Variants in HTT observed in about 807,000 individuals in gnomAD.
The protein encoded by HTT is huntingtin.
In HTT, 104 loss-of-function variants were observed where a neutral mutation model predicts 362.3. That is an observed-to-expected ratio of 0.29 (90% CI 0.24 to 0.34). The LOEUF (loss-of-function observed/expected upper bound fraction) is 0.34. HTT is among the 10% of genes least tolerant of loss of function. The pLI is 1.00. For missense variants in HTT, 3,301 were observed against 3,928.6 expected, an observed-to-expected ratio of 0.84 and a Z score of 4.27; for synonymous variants, 1,577 against 1,548.7, an observed-to-expected ratio of 1.02 and a Z score of -0.43.
chr4:3,115,511 T>C, intron 7 of HTT, 66 bp downstream of exon 7: 2 of 1,284,092 alleles, frequency 1.6e-6, no homozygotes, highest in Non-Finnish European at 2.2e-6. Flanking sequence ...TTGAAATAAA[T>C]AAAACCAGAT....
At position 3,083,615 on chromosome 4, in the gene HTT, G is replaced by T. The variant is rs568548105; in HGVS notation, c.264-3324G>T. 1.9e-4 allele frequency among the ~76,000 whole-genome samples: 27 copies of T among 145,410 alleles called. 1 individual carries two copies. In the South Asian group the frequency reaches 5.9e-3, roughly 32 times the overall value. On this transcript the variant is annotated intron_variant, in intron 1 of 66. Transcript: ENST00000355072. ...TATATGTATATATATGCATTTAGAT[G>T]AAAAGATCACTTTGACAATACCACA...
chr4:3,098,906 A>T (rs934624220), intron 2 of HTT, among the ~76,000 whole-genome samples: 2 of 152,226 alleles, frequency 1.3e-5, no homozygotes, highest in African/African-American at 2.4e-5. Flanking sequence ...TTTTAAACGA[A>T]AATTTAAAAA....
At position 3,119,684 on chromosome 4, in the gene HTT, A is replaced by C. The variant is rs540708188; in HGVS notation, c.1069-1544A>C. ...GTGTTACCTAGGAGCATGTAAATGG[A>C]AATCTCCATAGTATGAAAGCAGTGC... On this transcript the variant is annotated intron_variant, in intron 8 of 66. Transcript: ENST00000355072. 3.3e-5 allele frequency among the ~76,000 whole-genome samples: 5 copies of C among 152,328 alleles called. No homozygotes were observed. The South Asian group carries it at 6.2e-4, about 19-fold the overall frequency.
intron 27 of HTT, 82 bp from the exon 28 acceptor site, chr4:3,156,990 A>G (rs1373236726): frequency 1.7e-6 from 2 of 1,175,098 alleles, no homozygotes; most frequent in Non-Finnish European, 2.4e-6. Flanking sequence ...ACTTTAAAAA[A>G]TCATGATTTC....
At chr4:3,107,860 T>G (rs538975171) in intron 6 of HTT, among the ~76,000 whole-genome samples, 1 of 152,212 alleles carries the variant, frequency 6.6e-6, no homozygotes, top group African/African-American at 2.4e-5. Flanking sequence ...AAACCCACTT[T>G]AGTGTTTTGT....
chr4:3,229,120 C>T (rs1488624041), intron 59 of HTT, 111 bp downstream of exon 59: 2 of 1,059,534 alleles, frequency 1.9e-6, no homozygotes, highest in Non-Finnish European at 2.7e-6. Context: ...CACACACACC[C>T]CTCATGCATG....
At chr4:3,202,822 G>A (rs1719647979) in intron 41 of HTT, among the ~76,000 whole-genome samples, 1 of 152,052 alleles carries the variant, frequency 6.6e-6, no homozygotes, top group Non-Finnish European at 1.5e-5. Flanking sequence ...GACTAGCCTG[G>A]GCTGCCTAGC....
chr4:3,156,313 T>A (rs1347698838), intron 27 of HTT, among the ~76,000 whole-genome samples: 1 of 152,158 alleles, frequency 6.6e-6, no homozygotes, highest in Non-Finnish European at 1.5e-5. Flanking sequence ...AGAAGTGGAG[T>A]TTCACCATGT....
In HTT at chr4:3,172,989, G is replaced by A. The variant is rs1718062863; in HGVS notation, c.4024G>A (p.Ala1342Thr). Residue 1342 changes from alanine (A) to threonine (T), a missense_variant, in exon 31 of 67, where the codon GCA becomes ACA. Ala to Thr is a moderately conservative substitution (Grantham distance 58). Coordinates refer to ENST00000355072, the MANE Select transcript of HTT (RefSeq NM_001388492.1). The stretch of plus-strand genomic sequence containing the variant: ...CAACCCCAGCAAGTCACAAGGCCGA[G>A]CACAGCGCCTTGGCTCCTCCAGTGT... ...SSNPSKSQGR[A>T]QRLGSSSVRP... 2 of 1,614,064 alleles carry A rather than the reference G, an allele frequency of 1.2e-6. No homozygotes were observed. Among genetic ancestry groups the A allele is most frequent in the Non-Finnish European group, 1.7e-6 (2 of 1,180,042 alleles).
intron 27 of HTT, 145 bp downstream of exon 27, chr4:3,154,564 G>A (rs1330814680): frequency 3.4e-6 from 4 of 1,161,236 alleles, no homozygotes; most frequent in Non-Finnish European, 4.7e-6. Flanking sequence ...TGCGGTTCAA[G>A]ATATTAGAAA....
rs1720009008 is a variant in HTT at position 3,209,047 on chromosome 4, G to A, written c.6291+136G>A. On this transcript the variant is annotated intron_variant, in intron 46 of 66. Transcript: ENST00000355072. ...GCTCGGCTCGGCTCAGTGAAGCTGT[G>A]GTTAGAGACGTGGGGGGCCATCAAG... The A allele has an allele frequency of 1.8e-5, 17 of 959,786 alleles. No homozygotes were observed. The South Asian group carries it at 3.0e-4, about 17-fold the overall frequency. 59.5% of individuals were successfully genotyped at this position (959,786 alleles called of 1,614,324 possible).
chr4:3,175,079 T>G lies in HTT; in HGVS notation c.4379T>G (p.Val1460Gly). 1 of 1,613,816 alleles carries G rather than the reference T, an allele frequency of 6.2e-7. No homozygotes were observed. Among genetic ancestry groups the G allele is most frequent in the Non-Finnish European group, 8.5e-7 (1 of 1,179,942 alleles). ...CTGGCGCAGCTGGTTCAGTTACGGG[T>G]TAATTACTGTCTTCTGGATTCAGAT... is the stretch of plus-strand genomic sequence containing the variant. ...DLLAQLVQLR[V>G]NYCLLDSDQV... Residue 1460 changes from valine (V) to glycine (G), a missense_variant, in exon 33 of 67, where the codon GTT (valine) becomes GGT (glycine). Val to Gly is a moderately radical substitution (Grantham distance 109). This residue lies in a region of HTT where 2,316 missense variants were observed against 2,658.5 expected (regional missense o/e 0.87). Transcript: ENST00000355072.
At chr4:3,159,842 T>C (rs1459727247) in intron 28 of HTT, among the ~76,000 whole-genome samples, 2 of 152,210 alleles carry the variant, frequency 1.3e-5, no homozygotes, top group African/African-American at 4.8e-5. Context: ...TTACACCTGA[T>C]TTAATATTTT....
chr4:3,125,416 A>G, intron 10 of HTT, 133 bp from the exon 11 acceptor site: 1 of 578,024 alleles, frequency 1.7e-6, no homozygotes, highest in East Asian at 2.9e-5. Context: ...GTATAAAAAT[A>G]CTTATATATG....
At chr4:3,146,707 A>G (rs1479239238) in intron 24 of HTT, 90 bp from the exon 25 acceptor site, 1 of 1,133,024 alleles carries the variant, frequency 8.8e-7, no homozygotes, top group Non-Finnish European at 1.3e-6. Context: ...GTATTGTGAC[A>G]TGCCTTCCTC....
chr4:3,207,174 C>G (rs1392300239), intron 44 of HTT, 107 bp from the exon 45 acceptor site: 2 of 1,125,148 alleles, frequency 1.8e-6, no homozygotes, highest in Non-Finnish European at 2.6e-6. Context: ...TCTAGTCTGC[C>G]CTTACTAGGA....
intron 61 of HTT, among the ~76,000 whole-genome samples, chr4:3,233,890 T>G (rs1256890744): frequency 6.6e-6 from 1 of 152,220 alleles, no homozygotes; most frequent in African/African-American, 2.4e-5. Flanking sequence ...GAGGGCTCTG[T>G]GACACCCTGG....
chr4:3,119,235 C>G (rs1301656746), intron 8 of HTT, among the ~76,000 whole-genome samples: 2 of 152,084 alleles, frequency 1.3e-5, no homozygotes, highest in African/African-American at 4.8e-5. Context: ...AGAGGGAAGG[C>G]ATATGCATAT....
Position 3,134,473 on chromosome 4 carries a change from C to T in HTT, c.2566C>T (p.Leu856=). The T allele has an allele frequency of 6.2e-7, 1 of 1,613,954 alleles. No homozygotes were observed. Among genetic ancestry groups the T allele is most frequent in the Admixed American group, 1.7e-5 (1 of 60,032 alleles). Residue 856 remains leucine, a synonymous_variant, in exon 19 of 67, where the codon CTG becomes TTG. Coordinates refer to ENST00000355072, the MANE Select transcript of HTT (RefSeq NM_001388492.1). ...GCAGCTGATCATCGATGTGCTGACT[C>T]TGAGGAACAGTTCCTATTGGCTGGT... ...GLQLIIDVLT[L]RNSSYWLVRT...
Sources: allele counts gnomAD v4.1 joint callset (sites outside exome capture counted in the v4.1 genomes callset), GRCh38; gene constraint gnomAD v4.1.1; regional missense constraint gnomAD v4.1.1; transcripts MANE v1.5; gene names NCBI Gene and HGNC (gene_info 2026-07-23, HGNC 2026-07-21).